The following UBE2E2 variants were observed in gnomAD, a reference collection of about 807,000 sequenced individuals.
UBE2E2 encodes ubiquitin conjugating enzyme E2 E2.
In UBE2E2, 6 loss-of-function variants were observed where a neutral mutation model predicts 24.7. The observed-to-expected ratio is 0.24, with a 90% CI of 0.13 to 0.48. The LOEUF (loss-of-function observed/expected upper bound fraction) is 0.48, where lower values mean the gene tolerates loss of function less well. UBE2E2 is among the 20% of genes least tolerant of loss of function. The probability of loss-of-function intolerance (pLI) is 0.99; values close to 1 mark genes in which losing one functional copy is unlikely to be tolerated. For synonymous variants in UBE2E2, 104 were observed against 83.6 expected (o/e 1.24, Z -1.33); for missense variants, 169 against 245.0 (o/e 0.69, Z 2.07).
chr3:23,406,062 T>G (rs1697350555), intron 3 of UBE2E2, among the ~76,000 whole-genome samples: 1 of 152,220 alleles, frequency 6.6e-6, no homozygotes, highest in South Asian at 2.1e-4. Flanking sequence ...AATGAAAAAT[T>G]AAAACAATAG....
At chr3:23,381,580 G>C (rs749020153) in intron 3 of UBE2E2, among the ~76,000 whole-genome samples, 1 of 152,130 alleles carries the variant, frequency 6.6e-6, no homozygotes, top group Non-Finnish European at 1.5e-5. Flanking sequence ...CAGTACCCCG[G>C]CTAGCTGAAA....
chr3:23,455,212 G>C (rs1405264268), intron 3 of UBE2E2, among the ~76,000 whole-genome samples: 1 of 152,166 alleles, frequency 6.6e-6, no homozygotes, highest in African/African-American at 2.4e-5. Flanking sequence ...AATGCCCTCT[G>C]TGTCTACCAC....
At chr3:23,496,470 A>G (rs1023349916) in intron 3 of UBE2E2, among the ~76,000 whole-genome samples, 8 of 151,862 alleles carry the variant, frequency 5.3e-5, no homozygotes, top group Admixed American at 5.3e-4. Context: ...TTCTTACCTC[A>G]TATTTATGTG....
chr3:23,566,349 A>G (rs1575711641), intron 5 of UBE2E2, among the ~76,000 whole-genome samples: 1 of 152,208 alleles, frequency 6.6e-6, no homozygotes, highest in East Asian at 1.9e-4. Flanking sequence ...AATGGTGATT[A>G]AAAGGTTTTT....
chr3:23,294,356 G>C lies in UBE2E2; in HGVS notation c.227+77044G>C, dbSNP rs184143209. On this transcript the variant is annotated intron_variant, in intron 3 of 5. Coordinates refer to ENST00000396703, the MANE Select transcript of UBE2E2 (RefSeq NM_152653.4). ...CTAATGTATCTTGTATATATGGTCA[G>C]TTAGTTTTATAAGAGGAGGTTATTT... 5.3e-5 allele frequency among the ~76,000 whole-genome samples: 8 copies of C among 152,122 alleles called. No individual in the cohort carries two copies. The East Asian group carries it at 1.4e-3, about 26-fold the overall frequency.
intron 3 of UBE2E2, among the ~76,000 whole-genome samples, chr3:23,288,674 C>T (rs1395723721): frequency 1.3e-5 from 2 of 151,966 alleles, no homozygotes; most frequent in African/African-American, 4.8e-5. Context: ...CCTTCATTGT[C>T]TCTTTATAGT....
chr3:23,238,035 A>G (rs1328734882), intron 3 of UBE2E2, among the ~76,000 whole-genome samples: 2 of 152,180 alleles, frequency 1.3e-5, no homozygotes, highest in African/African-American at 2.4e-5. Flanking sequence ...CATTTTAATC[A>G]TTCCATCCAC....
chr3:23,536,301 T>C (rs1695262338), intron 5 of UBE2E2, among the ~76,000 whole-genome samples: 1 of 152,230 alleles, frequency 6.6e-6, no homozygotes, highest in Admixed American at 6.5e-5. Context: ...CACTGACAAT[T>C]AGAAGATCAA....
At chr3:23,359,798 A>T (rs1251022280) in intron 3 of UBE2E2, among the ~76,000 whole-genome samples, 3 of 152,210 alleles carry the variant, frequency 2.0e-5, no homozygotes, top group Non-Finnish European at 4.4e-5. Context: ...ATTCCAGTGT[A>T]CTCAGACAGG....
At chr3:23,539,862 A>C (rs1199855247) in intron 5 of UBE2E2, among the ~76,000 whole-genome samples, 2 of 152,184 alleles carry the variant, frequency 1.3e-5, no homozygotes, top group Non-Finnish European at 2.9e-5. Context: ...AATTTTAAGT[A>C]CATATAGGAA....
At chr3:23,338,015 T>G (rs754908055) in intron 3 of UBE2E2, among the ~76,000 whole-genome samples, 1 of 152,186 alleles carries the variant, frequency 6.6e-6, no homozygotes, top group Non-Finnish European at 1.5e-5. Flanking sequence ...GTGGGCAGTC[T>G]GAGAGCTACC....
rs537176528 is a variant in UBE2E2 at position 23,279,875 on chromosome 3, T to C, written c.227+62563T>C. 4.0e-4 allele frequency among the ~76,000 whole-genome samples: 61 copies of C among 152,170 alleles called. 3 individuals are homozygous for C. The South Asian group carries it at 0.011, about 28-fold the overall frequency. ...GTGTAGGCATACATGACCAAACTCTTTTCCCTGCTCTGGCCACTTAATTTT... is the reference window on the plus strand; with the variant it reads ...GTGTAGGCATACATGACCAAACTCTCTTCCCTGCTCTGGCCACTTAATTTT... On this transcript the variant is annotated intron_variant, in intron 3 of 5. Transcript: ENST00000396703.
chr3:23,527,986 G>A (rs1478970225), intron 4 of UBE2E2, among the ~76,000 whole-genome samples: 2 of 152,208 alleles, frequency 1.3e-5, no homozygotes, highest in East Asian at 3.8e-4. Flanking sequence ...TGAGGAGGGG[G>A]TTGTGGGAAC....
intron 3 of UBE2E2, among the ~76,000 whole-genome samples, chr3:23,375,332 C>CT (rs1696494663): frequency 6.6e-6 from 1 of 152,142 alleles, no homozygotes; most frequent in Non-Finnish European, 1.5e-5. Context: ...TAGTAAATCA[C>CT]TTTTTAACTT....
chr3:23,247,131 T>A (rs755846543), intron 3 of UBE2E2, among the ~76,000 whole-genome samples: 65 of 152,156 alleles, frequency 4.3e-4, no homozygotes, highest in Non-Finnish European at 7.8e-4. Flanking sequence ...CTTTCTGGGC[T>A]TTTTATTCTT....
chr3:23,373,220 G>T (rs142253098), intron 3 of UBE2E2, among the ~76,000 whole-genome samples: 1 of 152,124 alleles, frequency 6.6e-6, no homozygotes, highest in Non-Finnish European at 1.5e-5. Context: ...TTCTCTGAGT[G>T]GGTTCTAAGT....
At chr3:23,455,390 G>A (rs1427663176) in intron 3 of UBE2E2, among the ~76,000 whole-genome samples, 1 of 152,150 alleles carries the variant, frequency 6.6e-6, no homozygotes, top group Non-Finnish European at 1.5e-5. Flanking sequence ...GTGACTTTAT[G>A]TCTAAAGAGG....
At chr3:23,565,871 C>A (rs941896538) in intron 5 of UBE2E2, among the ~76,000 whole-genome samples, 4 of 152,078 alleles carry the variant, frequency 2.6e-5, no homozygotes, top group Non-Finnish European at 2.9e-5. Flanking sequence ...GCTTTAAGAA[C>A]CTCCGTCATG....
At chr3:23,281,062 G>A (rs990179292) in intron 3 of UBE2E2, among the ~76,000 whole-genome samples, 4 of 152,242 alleles carry the variant, frequency 2.6e-5, no homozygotes, top group South Asian at 2.1e-4. Flanking sequence ...TAATCCCATC[G>A]TCAGGGACCC....
Sources: gnomAD v4.1 joint callset for allele counts (sites outside exome capture counted in the v4.1 genomes callset) on GRCh38, gnomAD v4.1.1 for gene constraint, MANE v1.5 for transcripts, NCBI Gene and HGNC (gene_info 2026-07-23, HGNC 2026-07-21) for gene names.